The following EML6 variants were observed in gnomAD, a reference collection of about 807,000 sequenced individuals.
EML6 encodes the protein EMAP like 6.
EML6 carries 154 observed loss-of-function variants against 240.1 expected under a neutral mutation model. The observed-to-expected ratio is 0.64, with a 90% CI of 0.56 to 0.73. The LOEUF is 0.73. EML6 is among the 30% of genes least tolerant of loss of function. The pLI is 0.00. For synonymous variants in EML6, 1,148 were observed against 899.0 expected (o/e 1.28, Z -4.95); for missense variants, 2,964 against 2,474.6 (o/e 1.20, Z -4.20).
chr2:54,796,492 GT>G (rs139445612), intron 2 of EML6, among the ~76,000 whole-genome samples: 14 of 148,946 alleles, frequency 9.4e-5, no homozygotes, highest in Admixed American at 2.7e-4. Context: ...GTTTTGGTAA[GT>G]TTTTTTTTTC....
chr2:54,809,949 A>G (rs1168530562), intron 2 of EML6, among the ~76,000 whole-genome samples: 2 of 151,970 alleles, frequency 1.3e-5, no homozygotes, highest in Non-Finnish European at 2.9e-5. Flanking sequence ...GGGAAGCCTG[A>G]TGGGAAAGGT....
At chr2:54,793,227 A>G (rs143424576) in intron 2 of EML6, among the ~76,000 whole-genome samples, 56 of 152,298 alleles carry the variant, frequency 3.7e-4, no homozygotes, top group African/African-American at 1.3e-3. Context: ...AATTTGCACC[A>G]CTGCATTCCA....
chr2:54,925,767 C>G (rs1573156003), intron 26 of EML6, among the ~76,000 whole-genome samples: 1 of 152,146 alleles, frequency 6.6e-6, no homozygotes, highest in Admixed American at 6.5e-5. Flanking sequence ...GACCAGAAAA[C>G]CAAATTCTGT....
At chr2:54,887,242 C>T (rs896599238) in intron 17 of EML6, among the ~76,000 whole-genome samples, 1 of 152,218 alleles carries the variant, frequency 6.6e-6, no homozygotes, top group Non-Finnish European at 1.5e-5. Context: ...GTAGCATCAG[C>T]TGACAACCTT....
chr2:54,849,959 C>A lies in EML6; in HGVS notation c.1188-3C>A. ...CTTATCGTTTTGCTTTTTATTCTTA[C>A]AGAGATATGACAGAAGTAGTTCACA... On this transcript the variant is annotated splice_region_variant and splice_polypyrimidine_tract_variant and intron_variant, in intron 9 of 41. Transcript: ENST00000356458. 1 of 1,548,726 alleles carries A rather than the reference C, an allele frequency of 6.5e-7. No homozygotes were observed. Among genetic ancestry groups the A allele is most frequent in the Non-Finnish European group, 8.7e-7 (1 of 1,144,936 alleles).
intron 13 of EML6, among the ~76,000 whole-genome samples, chr2:54,866,090 C>G (rs999704363): frequency 2.0e-5 from 3 of 152,086 alleles, no homozygotes; most frequent in African/African-American, 7.2e-5. Context: ...AAATCCTAAA[C>G]AGGGGCCTTA....
At chr2:54,838,423 G>A (rs772649411) in intron 7 of EML6, among the ~76,000 whole-genome samples, 5 of 152,326 alleles carry the variant, frequency 3.3e-5, no homozygotes, top group East Asian at 3.9e-4. Context: ...AGGAACTAAC[G>A]ATATGAATGA....
In EML6 at chr2:54,847,545, G is replaced by A. The variant is rs1669831697; in HGVS notation, c.1109G>A (p.Arg370His). The change falls in exon 9 of 42, where the codon CGC becomes CAC. Residue 370 changes from arginine (R) to histidine (H), a missense_variant. Physicochemically the swap from Arg to His is conservative, Grantham distance 29 (BLOSUM62 0). Transcript: ENST00000356458. ...CGCTGTAACATGGAAGAGGCGGTTCGCAGTGTAGCTTTCAGCCCCGACGGA... is the reference window on the plus strand; with the variant it reads ...CGCTGTAACATGGAAGAGGCGGTTCACAGTGTAGCTTTCAGCCCCGACGGA... ...IARCNMEEAVRSVAFSPDGSQ... is the reference protein window; with the variant it reads ...IARCNMEEAVHSVAFSPDGSQ... 1.9e-6 allele frequency: 3 copies of A among 1,552,166 alleles called. No homozygotes were observed. Among genetic ancestry groups the A allele is most frequent in the East Asian group, 2.4e-5 (1 of 40,904 alleles).
chr2:54,826,344 A>G (rs929261912), intron 5 of EML6, among the ~76,000 whole-genome samples: 1 of 152,234 alleles, frequency 6.6e-6, no homozygotes. Flanking sequence ...CATGAAAACT[A>G]TGTTAAGGTT....
At chr2:54,907,951 AGATAGATAGAT>A (rs1558674176) in intron 24 of EML6, among the ~76,000 whole-genome samples, 71 of 23,594 alleles carry the variant, frequency 3.0e-3, no homozygotes, top group Non-Finnish European at 4.7e-3. Context: ...TAGATAAGAT[AGATAGATAGAT>A]AGATAGATAG....
At chr2:54,731,374 T>C (rs1683159631) in intron 2 of EML6, among the ~76,000 whole-genome samples, 1 of 152,194 alleles carries the variant, frequency 6.6e-6, no homozygotes, top group Non-Finnish European at 1.5e-5. Flanking sequence ...GAGTCCAGGC[T>C]CACTCCTGTC....
intron 2 of EML6, among the ~76,000 whole-genome samples, chr2:54,810,150 A>T (rs562843669): frequency 6.6e-6 from 1 of 152,322 alleles, no homozygotes; most frequent in African/African-American, 2.4e-5. Flanking sequence ...GCAAAGGAGG[A>T]CTGGAGAAAG....
intron 7 of EML6, among the ~76,000 whole-genome samples, 170 bp downstream of exon 7, chr2:54,829,647 C>T (rs1299870858): frequency 6.6e-6 from 1 of 152,124 alleles, no homozygotes. Flanking sequence ...TCCTAATTCG[C>T]ACAAATGCAT....
intron 28 of EML6, among the ~76,000 whole-genome samples, chr2:54,934,209 A>G (rs559513679): frequency 6.6e-6 from 1 of 152,324 alleles, no homozygotes; most frequent in Admixed American, 6.5e-5. Context: ...GAAAAATAAA[A>G]GTAGGAAGTA....
intron 17 of EML6, among the ~76,000 whole-genome samples, chr2:54,883,976 A>G (rs1464331657): frequency 5.9e-5 from 9 of 152,230 alleles, no homozygotes; most frequent in Non-Finnish European, 1.2e-4. Context: ...TTCTCACTCA[A>G]CAACAATCTG....
intron 16 of EML6, among the ~76,000 whole-genome samples, chr2:54,875,796 A>T (rs1177358421): frequency 6.6e-6 from 1 of 152,210 alleles, no homozygotes; most frequent in East Asian, 1.9e-4. Context: ...GCCGTGAGGA[A>T]AGTGCTTCCA....
rs1366257986 is a variant in EML6, at chr2:54,844,231, C to T, written c.1032C>T (p.Ser344=). ...HPKKPLAVTG[S]DDRSVRLWSL... ...AGAAGCCTCTGGCTGTGACAGGCAG[C>T]GATGACCGCTCTGTCAGGTGAGGCC... Residue 344 remains serine, a synonymous_variant, in exon 8 of 42, where the codon AGC becomes AGT. Coordinates refer to ENST00000356458, the MANE Select transcript of EML6 (RefSeq NM_001039753.4). 8 of 1,551,456 alleles carry T rather than the reference C, an allele frequency of 5.2e-6. No homozygotes were observed. Among genetic ancestry groups the T allele is most frequent in the Admixed American group, 3.9e-5 (2 of 51,004 alleles).
chr2:54,862,165 C>T (rs1335061567), intron 12 of EML6, among the ~76,000 whole-genome samples: 3 of 151,260 alleles, frequency 2.0e-5, no homozygotes, highest in African/African-American at 7.3e-5. Flanking sequence ...GGTGAAACAC[C>T]CTGTCTCTAC....
At chr2:54,844,565 G>C (rs548081937) in intron 8 of EML6, among the ~76,000 whole-genome samples, 1 of 152,152 alleles carries the variant, frequency 6.6e-6, no homozygotes, top group East Asian at 1.9e-4. Context: ...TTGTCCCCTC[G>C]TGCCCTTGGT....
Sources: gnomAD v4.1 joint callset for allele counts (sites outside exome capture counted in the v4.1 genomes callset) on GRCh38, gnomAD v4.1.1 for gene constraint, MANE v1.5 for transcripts, NCBI Gene and HGNC (gene_info 2026-07-23, HGNC 2026-07-21) for gene names.